The following BAAT variants were observed in gnomAD, a reference collection of about 807,000 sequenced individuals.
BAAT encodes bile acid CoA: amino acid N-acyltransferase (glycine N-choloyltransferase).
Under a neutral mutation model 18.9 loss-of-function variants are expected in BAAT, and 13 were observed. The ratio of observed to expected loss-of-function variants is 0.69; its 90% CI spans 0.45 to 1.10. The LOEUF is 1.10. BAAT is among the 50% of genes least tolerant of loss of function. BAAT has a pLI of 0.00. For synonymous variants in BAAT, 170 were observed against 190.7 expected (o/e 0.89, Z 0.89); for missense variants, 489 against 504.0 (o/e 0.97, Z 0.28).
At chr9:101,367,829 T>A (rs188502059) in intron 3 of BAAT, among the ~76,000 whole-genome samples, 13 of 152,336 alleles carry the variant, frequency 8.5e-5, no homozygotes, top group Non-Finnish European at 1.8e-4. Flanking sequence ...TGACTTCTCT[T>A]AACTTCCAAG....
intron 1 of BAAT, among the ~76,000 whole-genome samples, chr9:101,378,679 C>T (rs1042778307): frequency 6.6e-6 from 1 of 152,188 alleles, no homozygotes; most frequent in African/African-American, 2.4e-5. Flanking sequence ...GCAAAGATTT[C>T]ATGACTAAAA....
chr9:101,373,980 T>A (rs1379692377), intron 1 of BAAT, among the ~76,000 whole-genome samples: 1 of 152,234 alleles, frequency 6.6e-6, no homozygotes, highest in Non-Finnish European at 1.5e-5. Flanking sequence ...TATAAATTAA[T>A]TTAGCAAGCT....
At chr9:101,378,357 C>A (rs962061967) in intron 1 of BAAT, among the ~76,000 whole-genome samples, 4 of 152,182 alleles carry the variant, frequency 2.6e-5, no homozygotes, top group Admixed American at 2.0e-4. Flanking sequence ...AACAAAACAG[C>A]ATGGTACTGG....
At chr9:101,365,083 C>T (rs1392572918) in intron 3 of BAAT, among the ~76,000 whole-genome samples, 1 of 152,142 alleles carries the variant, frequency 6.6e-6, no homozygotes, top group African/African-American at 2.4e-5. Context: ...GAGTGTATTG[C>T]TCCCAGTTAC....
In BAAT at chr9:101,371,261, G is replaced by A. The variant is rs1045135681; in HGVS notation, c.144C>T (p.Ala48=). Residue 48 remains alanine, a synonymous_variant, in exon 2 of 4, where the codon GCC becomes GCT. Transcript: ENST00000259407. ...CACCGAATTCATTGGCCCTATAGTGGGCTTGAGAATAAAACATGTCTCCGT... is the reference window on the plus strand; with the variant it reads ...CACCGAATTCATTGGCCCTATAGTGAGCTTGAGAATAAAACATGTCTCCGT... ...DENGDMFYSQ[A]HYRANEFGEV... is the part of the protein sequence containing the mutation. 5.6e-6 allele frequency: 9 copies of A among 1,612,990 alleles called. No homozygotes were observed. In the Admixed American group the frequency reaches 1.0e-4, roughly 18 times the overall value.
rs1168910718 is a variant in BAAT, at chr9:101,360,484, C to G, written c.*1944G>C. 1.3e-5 allele frequency: 2 copies of G among 152,288 alleles called. No homozygotes were observed. Among genetic ancestry groups the G allele is most frequent in the African/African-American group, 4.8e-5 (2 of 41,428 alleles). The allele number at this position is 152,288 out of a possible 1,614,324, so 9.4% of individuals were successfully genotyped here. On this transcript the variant is annotated 3_prime_UTR_variant, in exon 4 of 4. Transcript: ENST00000259407. ...AGGCTTTACAGAAGCATAATGCTTG[C>G]ATCTACTTGGCTTCTGGGGAGGCCT...
intron 3 of BAAT, among the ~76,000 whole-genome samples, 188 bp from the exon 4 acceptor site, chr9:101,363,203 A>G (rs1829768346): frequency 6.6e-6 from 1 of 152,202 alleles, no homozygotes; most frequent in African/African-American, 2.4e-5. Flanking sequence ...AAATATGTCA[A>G]GCTTTACCGA....
chr9:101,380,877 C>T (rs1232608520), intron 1 of BAAT, among the ~76,000 whole-genome samples: 5 of 151,998 alleles, frequency 3.3e-5, no homozygotes, highest in African/African-American at 7.3e-5. Context: ...CTCAGCCTCC[C>T]GAGTAGCTGG....
intron 1 of BAAT, among the ~76,000 whole-genome samples, 199 bp downstream of exon 1, chr9:101,384,656 T>C (rs1407050770): frequency 6.6e-6 from 1 of 152,214 alleles, no homozygotes; most frequent in Admixed American, 6.5e-5. Context: ...ATGAATCTTA[T>C]AAACATAATG....
chr9:101,370,459 T>C (rs1207914091), intron 2 of BAAT, among the ~76,000 whole-genome samples: 1 of 151,078 alleles, frequency 6.6e-6, no homozygotes, highest in African/African-American at 2.4e-5. Flanking sequence ...GGACTACAGG[T>C]GCCTGCTACC....
intron 3 of BAAT, among the ~76,000 whole-genome samples, chr9:101,367,116 GAAAAA>G (rs66591298): frequency 3.2e-4 from 32 of 99,678 alleles, no homozygotes; most frequent in African/African-American, 1.0e-3. Context: ...GTCAAAAAAA[GAAAAA>G]AAAAAAAAAA....
Position 101,384,827 on chromosome 9 carries a change from G to A in BAAT, c.-60+28C>T, listed in dbSNP as rs112378255. 7.8e-3 allele frequency among the ~76,000 whole-genome samples: 1,193 copies of A among 152,196 alleles called. 20 individuals are homozygous for A. Among genetic ancestry groups the A allele is most frequent in the African/African-American group, 0.028 (1,145 of 41,532 alleles). On this transcript the variant is annotated intron_variant, in intron 1 of 3. Coordinates refer to ENST00000259407, the MANE Select transcript of BAAT (RefSeq NM_001701.4). The stretch of plus-strand genomic sequence containing the variant: ...GGTGAAAAATTACATTAAAAGAATG[G>A]AAGTAAGTAAATGAAAAAAATACAT...
At chr9:101,366,353 C>G (rs1829827851) in intron 3 of BAAT, among the ~76,000 whole-genome samples, 1 of 152,110 alleles carries the variant, frequency 6.6e-6, no homozygotes, top group Non-Finnish European at 1.5e-5. Context: ...AATTTGGGAT[C>G]AGGAAATTAT....
At chr9:101,363,458 C>T (rs201801184) in intron 3 of BAAT, among the ~76,000 whole-genome samples, 41 of 150,370 alleles carry the variant, frequency 2.7e-4, no homozygotes, top group African/African-American at 1.0e-3. Flanking sequence ...TTTGTTTTTT[C>T]CAAAAGTTTT....
chr9:101,370,620 G>T lies in BAAT; in HGVS notation c.466+319C>A, dbSNP rs188205474. On this transcript the variant is annotated intron_variant, in intron 2 of 3. Coordinates refer to ENST00000259407, the MANE Select transcript of BAAT (RefSeq NM_001701.4). ...TCCAAAGCTATGTAAAGCCCATAAT[G>T]TAGGGACTACATAAACTATATGTAG... 3.6e-3 allele frequency among the ~76,000 whole-genome samples: 551 copies of T among 152,190 alleles called. 18 individuals carry two copies. The highest frequency in any genetic ancestry group is 0.033 in the Admixed American group (511 of 15,272).
Position 101,361,670 on chromosome 9 carries a change from T to A in BAAT, c.*758A>T, listed in dbSNP as rs1466443288. 2.0e-5 allele frequency: 3 copies of A among 152,766 alleles called. No individual in the cohort carries two copies. Among genetic ancestry groups the A allele is most frequent in the Non-Finnish European group, 4.4e-5 (3 of 68,144 alleles). 9.5% of individuals were successfully genotyped at this position (152,766 alleles called of 1,614,324 possible). ...AACTCCCCAGGCTAGCCTGTACTAG[T>A]AGAGTTGTGTTTCTATTTTTATTTT... On this transcript the variant is annotated 3_prime_UTR_variant, in exon 4 of 4. Coordinates refer to ENST00000259407, the MANE Select transcript of BAAT (RefSeq NM_001701.4).
chr9:101,371,651 C>T (rs1829947882), intron 1 of BAAT, among the ~76,000 whole-genome samples, 188 bp from the exon 2 acceptor site: 1 of 152,068 alleles, frequency 6.6e-6, no homozygotes, highest in Non-Finnish European at 1.5e-5. Flanking sequence ...AGACAGTAAG[C>T]AAGCTGACAA....
At chr9:101,368,382 T>A in intron 2 of BAAT, 60 bp from the exon 3 acceptor site, 1 of 1,453,906 alleles carries the variant, frequency 6.9e-7, no homozygotes, top group South Asian at 1.2e-5. Flanking sequence ...ATAAGAAAAC[T>A]TGAAAATACA....
chr9:101,383,561 A>C (rs538172011), intron 1 of BAAT: 1 of 152,280 alleles, frequency 6.6e-6, no homozygotes, highest in East Asian at 1.9e-4. Flanking sequence ...AAAACCTCAA[A>C]TATGCCTTTG....
Sources: gnomAD v4.1 joint callset for allele counts (sites outside exome capture counted in the v4.1 genomes callset) on GRCh38, gnomAD v4.1.1 for gene constraint, MANE v1.5 for transcripts, NCBI Gene and HGNC (gene_info 2026-07-23, HGNC 2026-07-21) for gene names.